FSD1L: variants seen among roughly 807,000 people sequenced by gnomAD.
The protein encoded by FSD1L is fibronectin type III and SPRY domain containing 1 like.
FSD1L carries 45 observed loss-of-function variants against 71.6 expected under a neutral mutation model. That is an observed-to-expected ratio of 0.63 (90% confidence interval 0.49 to 0.81). The LOEUF (loss-of-function observed/expected upper bound fraction) is 0.81. FSD1L is among the 30% of genes least tolerant of loss of function. The pLI is 0.00. For missense variants in FSD1L, 561 were observed against 618.1 expected (o/e 0.91, Z 0.98); for synonymous variants, 197 against 207.2 (o/e 0.95, Z 0.42).
chr9:105,458,572 G>A (rs980010817), intron 1 of FSD1L, among the ~76,000 whole-genome samples: 20 of 152,186 alleles, frequency 1.3e-4, no homozygotes, highest in Non-Finnish European at 2.9e-4. Flanking sequence ...TCAAAGTGGG[G>A]AAGTGCATGC....
chr9:105,542,214 GCCTT>G (rs1267675867), intron 13 of FSD1L, among the ~76,000 whole-genome samples: 1 of 152,030 alleles, frequency 6.6e-6, no homozygotes, highest in Non-Finnish European at 1.5e-5. Flanking sequence ...ACCATTTTTT[GCCTT>G]CCTATCAGTG....
chr9:105,474,698 A>G (rs932942185), intron 5 of FSD1L, among the ~76,000 whole-genome samples: 1 of 152,220 alleles, frequency 6.6e-6, no homozygotes, highest in African/African-American at 2.4e-5. Context: ...ATTAATATGA[A>G]TGGCCCATGA....
intron 5 of FSD1L, among the ~76,000 whole-genome samples, chr9:105,475,821 T>C (rs1831757866): frequency 6.6e-6 from 1 of 152,192 alleles, no homozygotes; most frequent in African/African-American, 2.4e-5. Context: ...CAAATGATCA[T>C]GCTTTTTGAA....
chr9:105,544,906 G>A (rs1299755505), intron 13 of FSD1L, among the ~76,000 whole-genome samples: 1 of 152,178 alleles, frequency 6.6e-6, no homozygotes, highest in African/African-American at 2.4e-5. Flanking sequence ...TCTTGGCAAT[G>A]TGGGCTCTTT....
At chr9:105,446,554 A>G, upstream of FSD1L, among the ~76,000 whole-genome samples, 1 of 150,830 alleles carries the variant, frequency 6.6e-6, no homozygotes, top group East Asian at 1.9e-4. Flanking sequence ...TAATTTCTGT[A>G]GAGATGGGGT....
At chr9:105,468,960 T>C (rs1173485445) in intron 4 of FSD1L, among the ~76,000 whole-genome samples, 9 of 152,186 alleles carry the variant, frequency 5.9e-5, no homozygotes, top group African/African-American at 2.4e-5. Context: ...CTGGCAATCA[T>C]CATGTTATTT....
Position 105,535,245 on chromosome 9 carries a change from G to A in FSD1L, c.1305G>A (p.Lys435=), listed in dbSNP as rs1259615993. ...GGCTACAAAACACATTTGCAGCAAA[G>A]CATAATAATAAAGTCAAAGCTTTGG... is the stretch of plus-strand genomic sequence containing the variant. ...NNWLQNTFAA[K]HNNKVKALDV... The change falls in exon 12 of 14, where the codon AAG becomes AAA. Residue 435 remains lysine (K), a synonymous_variant. Transcript: ENST00000481272. 1.3e-6 allele frequency: 2 copies of A among 1,551,662 alleles called. No homozygotes were observed. The highest frequency in any genetic ancestry group is 1.4e-5 in the African/African-American group (1 of 73,038).
chr9:105,523,331 C>T (rs532312753), intron 10 of FSD1L: 67 of 1,590,916 alleles, frequency 4.2e-5, no homozygotes, highest in African/African-American at 3.5e-4. Context: ...AGCTCCACCA[C>T]GCTGTTCTTC....
At chr9:105,539,418 A>T in intron 13 of FSD1L, 67 bp downstream of exon 13, 1 of 617,486 alleles carries the variant, frequency 1.6e-6, no homozygotes, top group East Asian at 3.2e-5. Flanking sequence ...TAAGGAGAAT[A>T]TTCTATACTG....
At chr9:105,544,277 GT>G (rs1836830982) in intron 13 of FSD1L, among the ~76,000 whole-genome samples, 1 of 152,046 alleles carries the variant, frequency 6.6e-6, no homozygotes, top group African/African-American at 2.4e-5. Flanking sequence ...TGATGGGGTT[GT>G]TTTTTTCTTG....
chr9:105,478,523 T>C (rs1043570402), intron 5 of FSD1L, among the ~76,000 whole-genome samples: 49 of 152,286 alleles, frequency 3.2e-4, no homozygotes, highest in African/African-American at 1.1e-3. Context: ...ACTGTACTGG[T>C]TACTGTGGAG....
intron 10 of FSD1L, among the ~76,000 whole-genome samples, chr9:105,516,725 C>T (rs1260109556): frequency 6.6e-6 from 1 of 152,148 alleles, no homozygotes. Flanking sequence ...GAGAAACCAG[C>T]GCAAAAAGGC....
chr9:105,479,264 A>AT (rs1368291950), intron 5 of FSD1L, 90 bp from the exon 6 acceptor site: 1 of 1,150,826 alleles, frequency 8.7e-7, no homozygotes, highest in African/African-American at 1.5e-5. Flanking sequence ...CAGGGTTTAT[A>AT]TCCTAACTTT....
At chr9:105,452,665 G>GCCTTCCTTCCTTCCTT (rs1314711604) in intron 1 of FSD1L, among the ~76,000 whole-genome samples, 163 of 85,798 alleles carry the variant, frequency 1.9e-3, no homozygotes, top group East Asian at 3.3e-3. Context: ...CTGCCTGCCT[G>GCCTTCCTTCCTTCCTT]CCTGCCTTCC....
chr9:105,518,038 CCAA>C (rs1325793391), intron 10 of FSD1L, among the ~76,000 whole-genome samples: 3 of 152,020 alleles, frequency 2.0e-5, no homozygotes, highest in African/African-American at 7.3e-5. Context: ...AGACTTTAAA[CCAA>C]CAAAGATCAA....
In FSD1L at chr9:105,548,403, G is replaced by A. The variant is rs938766333; in HGVS notation, c.*1920G>A. On this transcript the variant is annotated 3_prime_UTR_variant, in exon 14 of 14. Transcript: ENST00000481272. ...TATGACACAGAAAAGGTCAGATGCT[G>A]TTGTATAAAATTTTTTACTAGTGTG... 1 of 152,502 alleles carries A rather than the reference G, an allele frequency of 6.6e-6. No individual in the cohort carries two copies. The highest frequency in any genetic ancestry group is 2.4e-5 in the African/African-American group (1 of 41,434). The allele number at this position is 152,502 out of a possible 1,614,324, so 9.4% of individuals were successfully genotyped here.
chr9:105,498,399 C>T (rs1318357344), intron 7 of FSD1L, among the ~76,000 whole-genome samples: 2 of 152,052 alleles, frequency 1.3e-5, no homozygotes, highest in Non-Finnish European at 2.9e-5. Flanking sequence ...TAGTCTCCTA[C>T]ACATCTAGGC....
chr9:105,511,808 G>A (rs1435608203), intron 9 of FSD1L, among the ~76,000 whole-genome samples: 3 of 152,066 alleles, frequency 2.0e-5, no homozygotes, highest in African/African-American at 4.8e-5. Context: ...TAAACCTATA[G>A]AGAGTCATAG....
At chr9:105,489,570 A>G (rs1220994243) in intron 7 of FSD1L, among the ~76,000 whole-genome samples, 1 of 152,060 alleles carries the variant, frequency 6.6e-6, no homozygotes, top group Non-Finnish European at 1.5e-5. Context: ...TTAGTTACAT[A>G]TGTATACATG....
Sources: gnomAD v4.1 joint callset for allele counts (sites outside exome capture counted in the v4.1 genomes callset) on GRCh38, gnomAD v4.1.1 for gene constraint, MANE v1.5 for transcripts, NCBI Gene and HGNC (gene_info 2026-07-23, HGNC 2026-07-21) for gene names.